NWD2: variants seen among roughly 807,000 people sequenced by gnomAD.
NWD2 encodes NACHT and WD repeat domain containing 2.
Under a neutral mutation model 132.7 loss-of-function variants are expected in NWD2, and 37 were observed. The observed-to-expected ratio is 0.28, with a 90% CI of 0.21 to 0.37. The LOEUF (loss-of-function observed/expected upper bound fraction) is 0.37. NWD2 is among the 10% of genes least tolerant of loss of function. The pLI is 1.00. For synonymous variants in NWD2, 705 were observed against 803.0 expected (o/e 0.88, Z 2.06); for missense variants, 1,592 against 2,122.4 (o/e 0.75, Z 4.91).
intron 5 of NWD2, among the ~76,000 whole-genome samples, chr4:37,437,772 G>A (rs543894226): frequency 6.6e-6 from 1 of 152,048 alleles, no homozygotes; most frequent in South Asian, 2.1e-4. Context: ...TTTTCTTATG[G>A]GGACACAAAT....
rs1712556935 is a variant in NWD2, at chr4:37,443,926, C to T, written c.1938C>T (p.Phe646=). 2.6e-6 allele frequency: 4 copies of T among 1,552,340 alleles called. No individual in the cohort carries two copies. The highest frequency in any genetic ancestry group is 3.5e-6 in the Non-Finnish European group (4 of 1,147,140). ...TTCATGAAAGTATAGAGCAGTTATT[C>T]TGGTCCTTGGAGAAGAAGTGTGGTC... The part of the protein sequence containing the change: ...VTVHESIEQL[F]WSLEKKCGQK... Residue 646 remains phenylalanine (F), a synonymous_variant, in exon 7 of 7, where the codon TTC becomes TTT. Coordinates refer to ENST00000309447, the MANE Select transcript of NWD2 (RefSeq NM_001144990.2). This position sits in a 1 kb window ranked among gnomAD's most constrained non-coding sequence, Gnocchi z 4.1.
chr4:37,436,055 C>T (rs1453887460), intron 5 of NWD2, among the ~76,000 whole-genome samples: 3 of 151,926 alleles, frequency 2.0e-5, no homozygotes, highest in Non-Finnish European at 2.9e-5. Flanking sequence ...CAGGAGAGGA[C>T]GAGAAATAAA....
intron 1 of NWD2, among the ~76,000 whole-genome samples, chr4:37,300,124 G>C (rs880715): frequency 0.036 from 5,427 of 152,190 alleles, 335 homozygotes; most frequent in African/African-American, 0.12. Context: ...AGTCTTCTCT[G>C]AGAAACTCTT....
intron 1 of NWD2, among the ~76,000 whole-genome samples, chr4:37,303,887 G>T (rs1718656220): frequency 6.6e-6 from 1 of 152,064 alleles, no homozygotes; most frequent in Admixed American, 6.6e-5. Context: ...TGCAAACAGG[G>T]ACAGTTTCAT....
intron 1 of NWD2, among the ~76,000 whole-genome samples, chr4:37,286,265 C>G (rs1718228666): frequency 6.6e-6 from 1 of 152,194 alleles, no homozygotes; most frequent in African/African-American, 2.4e-5. Context: ...TTAACAGTAA[C>G]AGTAATGATG....
intron 3 of NWD2, among the ~76,000 whole-genome samples, chr4:37,382,103 C>A (rs17421631): frequency 0.27 from 41,197 of 152,078 alleles, 6,626 homozygotes; most frequent in Non-Finnish European, 0.37. Context: ...ACAGCAAACA[C>A]CCATGAAATG....
intron 3 of NWD2, among the ~76,000 whole-genome samples, chr4:37,398,155 C>T (rs923883355): frequency 1.3e-5 from 2 of 152,320 alleles, no homozygotes; most frequent in Admixed American, 1.3e-4. Flanking sequence ...TCTTTGGAGG[C>T]TGGTACTTCA....
chr4:37,413,563 C>G (rs78551732), intron 3 of NWD2, among the ~76,000 whole-genome samples: 20,920 of 152,116 alleles, frequency 0.14, 1,563 homozygotes, highest in East Asian at 0.29. Context: ...GACAGTGTGG[C>G]GATTCCTCAA....
chr4:37,404,683 A>G (rs980917644), intron 3 of NWD2, among the ~76,000 whole-genome samples: 1 of 152,198 alleles, frequency 6.6e-6, no homozygotes, highest in Non-Finnish European at 1.5e-5. Flanking sequence ...TGAAGAAAAG[A>G]GGTTAACTGG....
At chr4:37,422,418 A>G (rs1438043004) in intron 3 of NWD2, among the ~76,000 whole-genome samples, 4 of 152,118 alleles carry the variant, frequency 2.6e-5, no homozygotes, top group Admixed American at 1.3e-4. Context: ...ATAAGTTTGT[A>G]CTTATCTGAC....
intron 1 of NWD2, among the ~76,000 whole-genome samples, chr4:37,267,611 A>G (rs552827802): frequency 4.6e-5 from 7 of 151,994 alleles, no homozygotes; most frequent in Admixed American, 2.6e-4. Context: ...ATGTAGATCT[A>G]CTGAAAGTCG....
rs1013524776 is a variant in NWD2 at position 37,390,337 on chromosome 4, G to A, written c.357+33855G>A. 4.6e-5 allele frequency among the ~76,000 whole-genome samples: 7 copies of A among 151,770 alleles called. 1 individual carries two copies. Among genetic ancestry groups the A allele is most frequent in the South Asian group, 4.2e-4 (2 of 4,816 alleles). On this transcript the variant is annotated intron_variant, in intron 3 of 6. Coordinates refer to ENST00000309447, the MANE Select transcript of NWD2 (RefSeq NM_001144990.2). ...TATAAAATGTTTTATGAAATTTGAC[G>A]GCTACATTTCATAAAATGATTTTAC...
Position 37,275,342 on chromosome 4 carries a change from T to C in NWD2, c.151+30124T>C, listed in dbSNP as rs573250588. 2.0e-3 allele frequency among the ~76,000 whole-genome samples: 307 copies of C among 152,078 alleles called. 2 individuals are homozygous for C. Among genetic ancestry groups the C allele is most frequent in the African/African-American group, 6.9e-3 (288 of 41,508 alleles). On this transcript the variant is annotated intron_variant, in intron 1 of 6. Coordinates refer to ENST00000309447, the MANE Select transcript of NWD2 (RefSeq NM_001144990.2). ...CCATTCACAATTGCTTCAAAGAGAA[T>C]AAAATACCTAGGAATCCAACTTACA...
chr4:37,433,892 A>G lies in NWD2; in HGVS notation c.578A>G (p.Asn193Ser). 2 of 1,546,140 alleles carry G rather than the reference A, an allele frequency of 1.3e-6. No individual in the cohort carries two copies. The highest frequency in any genetic ancestry group is 2.0e-5 in the Admixed American group (1 of 50,570). Reference protein sequence around the residue: ...SNRNAMQPSTNAENEKTWQEI... With the variant: ...SNRNAMQPSTSAENEKTWQEI... Reference sequence around the variant, plus strand: ...TTTCTATAGATGCAGCCTTCTACCAATGCTGAAAACGAGAAGACATGGCAA... The same window carrying G: ...TTTCTATAGATGCAGCCTTCTACCAGTGCTGAAAACGAGAAGACATGGCAA... The change falls in exon 5 of 7, where the codon AAT becomes AGT. Residue 193 changes from asparagine (N) to serine (S), a missense_variant. Asn to Ser is a conservative substitution (Grantham distance 46). Around this residue, in one of 7 missense-constraint regions of NWD2, gnomAD observed 144 missense variants for 185.7 expected, o/e 0.78. Coordinates refer to ENST00000309447, the MANE Select transcript of NWD2 (RefSeq NM_001144990.2).
At chr4:37,317,881 T>C (rs1163373449) in intron 1 of NWD2, among the ~76,000 whole-genome samples, 1 of 152,232 alleles carries the variant, frequency 6.6e-6, no homozygotes, top group African/African-American at 2.4e-5. Flanking sequence ...TGATTCATGT[T>C]GGCTTTAGGA....
At chr4:37,428,434 C>G (rs765545004) in intron 3 of NWD2, among the ~76,000 whole-genome samples, 2 of 152,110 alleles carry the variant, frequency 1.3e-5, no homozygotes, top group Non-Finnish European at 2.9e-5. Flanking sequence ...CTTTGTGTTC[C>G]CTCCTTATTT....
chr4:37,333,074 G>A (rs1719327570), intron 2 of NWD2, among the ~76,000 whole-genome samples: 1 of 152,150 alleles, frequency 6.6e-6, no homozygotes, highest in Admixed American at 6.5e-5. Flanking sequence ...AGCCACAGTA[G>A]AATAGAAGAT....
At chr4:37,347,005 T>G (rs982532097) in intron 2 of NWD2, among the ~76,000 whole-genome samples, 6 of 152,124 alleles carry the variant, frequency 3.9e-5, no homozygotes, top group South Asian at 2.1e-4. Context: ...TCCTATAAAT[T>G]TTAGTATATT....
chr4:37,288,642 C>G (rs1429413336), intron 1 of NWD2, among the ~76,000 whole-genome samples: 1 of 152,174 alleles, frequency 6.6e-6, no homozygotes, highest in African/African-American at 2.4e-5. Flanking sequence ...TGGTTACATT[C>G]TGGGAGAGAA....
Sources: allele counts gnomAD v4.1 joint callset (sites outside exome capture counted in the v4.1 genomes callset), GRCh38; gene constraint gnomAD v4.1.1; regional missense constraint gnomAD v4.1.1; non-coding constraint Gnocchi (gnomAD v3.1); transcripts MANE v1.5; gene names NCBI Gene and HGNC (gene_info 2026-07-23, HGNC 2026-07-21).